VRK1: variants seen among roughly 807,000 people sequenced by gnomAD.
VRK1 encodes VRK serine/threonine kinase 1, also known as serine/threonine-protein kinase VRK1.
In VRK1, 33 loss-of-function variants were observed where a neutral mutation model predicts 57.1. The observed-to-expected ratio is 0.58, with a 90% CI of 0.44 to 0.77. The LOEUF (loss-of-function observed/expected upper bound fraction) is 0.77, where lower values mean the gene tolerates loss of function less well. Ranked by LOEUF, VRK1 falls within the 30% of genes least tolerant of loss-of-function variation. VRK1 has a pLI of 0.00. For missense variants in VRK1, 413 were observed against 477.3 expected, an observed-to-expected ratio of 0.87 and a Z score of 1.25; for synonymous variants, 137 against 147.8, an observed-to-expected ratio of 0.93 and a Z score of 0.53.
chr14:96,808,018 T>TCTCCCC (rs1566683615), intron 1 of VRK1, among the ~76,000 whole-genome samples: 1 of 6,308 alleles, frequency 1.6e-4, no homozygotes, highest in Non-Finnish European at 3.1e-3. Flanking sequence ...TCTCTCCCTC[T>TCTCCCC]GTGTGTGTGT....
chr14:96,870,507 T>A (rs981429353), intron 11 of VRK1, among the ~76,000 whole-genome samples: 1 of 152,152 alleles, frequency 6.6e-6, no homozygotes, highest in Non-Finnish European at 1.5e-5. Flanking sequence ...TACACTGACA[T>A]ATTAGTCTTC....
chr14:96,853,099 A>G lies in VRK1; in HGVS notation c.509A>G (p.Glu170Gly), dbSNP rs751481846. Residue 170 changes from glutamate (E) to glycine (G), a missense_variant, in exon 7 of 13, where the codon GAG becomes GGG. Physicochemically the swap from Glu to Gly is moderately conservative, Grantham distance 98. This residue lies in a region of VRK1 where 151 missense variants were observed against 225.5 expected (regional missense o/e 0.67). Transcript: ENST00000216639. Reference sequence around the variant, plus strand: ...CTGGATATTCTGGAATATATTCACGAGCATGAGTATGTGCATGGAGATATC... The same window carrying G: ...CTGGATATTCTGGAATATATTCACGGGCATGAGTATGTGCATGGAGATATC... ...RILDILEYIH[E>G]HEYVHGDIKA... The G allele has an allele frequency of 6.2e-7, 1 of 1,613,902 alleles. No individual in the cohort carries two copies. Among genetic ancestry groups the G allele is most frequent in the Admixed American group, 1.7e-5 (1 of 60,032 alleles).
intron 4 of VRK1, among the ~76,000 whole-genome samples, chr14:96,846,374 A>G (rs1469141544): frequency 6.6e-6 from 1 of 152,172 alleles, no homozygotes; most frequent in African/African-American, 2.4e-5. Flanking sequence ...CATAGAATGA[A>G]GTTAATAATA....
chr14:96,834,071 A>T (rs1262246795), intron 2 of VRK1, among the ~76,000 whole-genome samples: 1 of 152,124 alleles, frequency 6.6e-6, no homozygotes, highest in Non-Finnish European at 1.5e-5. Flanking sequence ...GAACTAGGAG[A>T]ATTACCTAGA....
chr14:96,849,778 G>A (rs1887876817), intron 5 of VRK1, among the ~76,000 whole-genome samples: 2 of 152,152 alleles, frequency 1.3e-5, no homozygotes, highest in African/African-American at 4.8e-5. Flanking sequence ...GCTTGAGAAT[G>A]ATGGTCTTTT....
chr14:96,867,625 TC>T (rs1330939290), intron 11 of VRK1, among the ~76,000 whole-genome samples: 1 of 152,152 alleles, frequency 6.6e-6, no homozygotes, highest in Non-Finnish European at 1.5e-5. Context: ...TCCTTTCCTT[TC>T]CTTCTCTATT....
At chr14:96,852,784 T>C in intron 5 of VRK1, 47 bp from the exon 6 acceptor site, 1 of 1,511,196 alleles carries the variant, frequency 6.6e-7, no homozygotes, top group Non-Finnish European at 9.2e-7. Context: ...CAAAGTTGGT[T>C]TTCTTGCATT....
chr14:96,852,631 G>T (rs938048203), intron 5 of VRK1, among the ~76,000 whole-genome samples, 200 bp from the exon 6 acceptor site: 3 of 152,124 alleles, frequency 2.0e-5, no homozygotes, highest in Non-Finnish European at 4.4e-5. Flanking sequence ...GGCCCTCCAG[G>T]TAAAAAGCAG....
chr14:96,874,283 C>T (rs1431126462), intron 11 of VRK1, among the ~76,000 whole-genome samples: 2 of 152,084 alleles, frequency 1.3e-5, no homozygotes, highest in African/African-American at 4.8e-5. Context: ...TCTTGGCTGG[C>T]GTTAATCAGG....
At chr14:96,852,205 G>A (rs1410493397) in intron 5 of VRK1, among the ~76,000 whole-genome samples, 1 of 152,186 alleles carries the variant, frequency 6.6e-6, no homozygotes, top group South Asian at 2.1e-4. Flanking sequence ...TGAGGCCCAG[G>A]AAGTAATGTG....
At chr14:96,826,203 A>T (rs535943778) in intron 1 of VRK1, among the ~76,000 whole-genome samples, 2 of 152,308 alleles carry the variant, frequency 1.3e-5, no homozygotes, top group East Asian at 3.9e-4. Flanking sequence ...TTGGAATGTT[A>T]TCTGAAAAAC....
intron 1 of VRK1, among the ~76,000 whole-genome samples, chr14:96,822,963 T>C (rs1886658864): frequency 6.6e-6 from 1 of 152,180 alleles, no homozygotes; most frequent in Admixed American, 6.5e-5. Context: ...GCTCCCACCT[T>C]AGGGTCTTTG....
intron 1 of VRK1, among the ~76,000 whole-genome samples, chr14:96,808,002 C>CGTCTCTCTCCCTCTCTCCCTCTCTCCGT (rs1555357994): frequency 8.5e-6 from 1 of 118,140 alleles, no homozygotes; most frequent in Non-Finnish European, 1.7e-5. Flanking sequence ...TCCCTCTCTC[C>CGTCTCTCTCCCTCTCTCCCTCTCTCCGT]CTCTCTCTCT....
intron 12 of VRK1, 43 bp downstream of exon 12, chr14:96,876,163 C>T (rs45457797): frequency 6.3e-7 from 1 of 1,591,598 alleles, no homozygotes. Flanking sequence ...TAGGTAAACA[C>T]AAATTTCATT....
At chr14:96,852,183 TTC>T (rs1458515373) in intron 5 of VRK1, among the ~76,000 whole-genome samples, 2 of 152,222 alleles carry the variant, frequency 1.3e-5, no homozygotes, top group African/African-American at 2.4e-5. Flanking sequence ...CTCATTTTAC[TTC>T]TGTGGAAATT....
intron 1 of VRK1, among the ~76,000 whole-genome samples, chr14:96,803,803 A>C (rs1480199477): frequency 6.6e-6 from 1 of 152,072 alleles, no homozygotes; most frequent in African/African-American, 2.4e-5. Context: ...TGATGATTTC[A>C]TGTGCTTATT....
intron 1 of VRK1, among the ~76,000 whole-genome samples, chr14:96,798,395 C>T (rs781773966): frequency 2.6e-5 from 4 of 152,136 alleles, no homozygotes; most frequent in Non-Finnish European, 5.9e-5. Flanking sequence ...ACCCATTTTT[C>T]TGATGTCCTT....
chr14:96,866,398 A>T (rs1057086514), intron 11 of VRK1, among the ~76,000 whole-genome samples: 4 of 152,142 alleles, frequency 2.6e-5, no homozygotes, highest in African/African-American at 9.7e-5. Context: ...TTAATTTGGG[A>T]TGTTCTTAGT....
chr14:96,837,928 T>G, intron 3 of VRK1, 111 bp downstream of exon 3: 1 of 598,388 alleles, frequency 1.7e-6, no homozygotes, highest in African/African-American at 2.0e-5. Context: ...TACTACATTT[T>G]TAATAACTTA....
Sources: allele counts gnomAD v4.1 joint callset (sites outside exome capture counted in the v4.1 genomes callset), GRCh38; gene constraint gnomAD v4.1.1; regional missense constraint gnomAD v4.1.1; transcripts MANE v1.5; gene names NCBI Gene and HGNC (gene_info 2026-07-23, HGNC 2026-07-21).